Variants in TAOK3 observed in about 807,000 individuals in gnomAD.
TAOK3 encodes the protein serine/threonine-protein kinase TAO3.
A neutral mutation model predicts 120.4 loss-of-function variants in TAOK3; 40 were observed. The ratio of observed to expected loss-of-function variants is 0.33; its 90% CI spans 0.26 to 0.43. TAOK3 has a LOEUF of 0.43. Among genes scored for constraint, TAOK3 ranks in the 20% least tolerant of loss-of-function variants. The pLI, the probability that TAOK3 is intolerant of heterozygous loss-of-function variation, is 1.00. For synonymous variants in TAOK3, 355 were observed against 387.5 expected (o/e 0.92, Z 0.99); for missense variants, 821 against 1,112.1 (o/e 0.74, Z 3.72).
At chr12:118,152,089 G>T in intron 20 of TAOK3, 138 bp downstream of exon 20, 1 of 761,646 alleles carries the variant, frequency 1.3e-6, no homozygotes, top group East Asian at 2.7e-5. Flanking sequence ...TACCTCACAA[G>T]GGTACCAGTA....
chr12:118,247,481 A>T (rs2040566974), intron 3 of TAOK3, among the ~76,000 whole-genome samples: 1 of 152,044 alleles, frequency 6.6e-6, no homozygotes, highest in African/African-American at 2.4e-5. Context: ...ATATACATAT[A>T]TATATATACA....
chr12:118,181,710 CA>C, intron 14 of TAOK3, 103 bp from the exon 15 acceptor site: 1 of 948,574 alleles, frequency 1.1e-6, no homozygotes. Flanking sequence ...CCATCACCTT[CA>C]CCATCAATTT....
intron 1 of TAOK3, among the ~76,000 whole-genome samples, chr12:118,307,578 TAA>T (rs965490679): frequency 2.0e-5 from 3 of 152,168 alleles, no homozygotes; most frequent in African/African-American, 7.2e-5. Flanking sequence ...TGTGTATGTA[TAA>T]GTGTTTTTGC....
At chr12:118,260,566 A>G (rs2041183306) in intron 2 of TAOK3, among the ~76,000 whole-genome samples, 1 of 152,228 alleles carries the variant, frequency 6.6e-6, no homozygotes, top group South Asian at 2.1e-4. Flanking sequence ...GGACATTAAA[A>G]CATTTAATAC....
chr12:118,245,004 T>G, intron 3 of TAOK3, 39 bp from the exon 4 acceptor site: 1 of 1,406,844 alleles, frequency 7.1e-7, no homozygotes, highest in Non-Finnish European at 9.9e-7. Context: ...AAAGAATTAG[T>G]GATGTTTCAG....
intron 6 of TAOK3, among the ~76,000 whole-genome samples, chr12:118,238,558 C>G (rs2040114337): frequency 6.6e-6 from 1 of 152,118 alleles, no homozygotes; most frequent in Non-Finnish European, 1.5e-5. Context: ...CTTTAATTAC[C>G]CCTTCAAACT....
chr12:118,269,129 TTCTTTCTTC>T (rs752676023), intron 1 of TAOK3, among the ~76,000 whole-genome samples: 2 of 151,866 alleles, frequency 1.3e-5, no homozygotes, highest in Non-Finnish European at 2.9e-5. Context: ...TTCTCTTTCT[TTCTTTCTTC>T]TCTTTCTTCT....
At position 118,322,272 on chromosome 12, in the gene TAOK3, G is replaced by A. The variant is rs537051692; in HGVS notation, c.-194+50376C>T. On this transcript the variant is annotated intron_variant, in intron 1 of 20. Transcript: ENST00000392533. ...AGAGGTTGCAATGAGCTGAGATCGCGCCACTACACTCCAGCCTGGGCAGCA... is the reference window on the plus strand; with the variant it reads ...AGAGGTTGCAATGAGCTGAGATCGCACCACTACACTCCAGCCTGGGCAGCA... Among the ~76,000 whole-genome samples, 4 of 135,192 alleles carry A rather than the reference G, an allele frequency of 3.0e-5. No individual in the cohort carries two copies. The East Asian group carries it at 6.3e-4, about 21-fold the overall frequency. The allele number at this position is 135,192 out of a possible 152,430, so 88.7% of individuals were successfully genotyped here. A position where few individuals can be genotyped will look rare whatever the true frequency, so the allele number is the denominator to read the frequency against.
chr12:118,356,456 C>T (rs545517719), intron 1 of TAOK3, among the ~76,000 whole-genome samples: 20 of 152,096 alleles, frequency 1.3e-4, no homozygotes, highest in African/African-American at 2.2e-4. Flanking sequence ...TACACCACCA[C>T]GCCCAGCTAA....
At chr12:118,330,032 T>A (rs1296697866) in intron 1 of TAOK3, among the ~76,000 whole-genome samples, 1 of 152,184 alleles carries the variant, frequency 6.6e-6, no homozygotes, top group African/African-American at 2.4e-5. Flanking sequence ...ATCTTCAATA[T>A]TTTGGAGGAA....
intron 14 of TAOK3, among the ~76,000 whole-genome samples, chr12:118,183,048 A>G (rs2036863461): frequency 1.3e-5 from 2 of 151,912 alleles, no homozygotes; most frequent in South Asian, 4.2e-4. Flanking sequence ...TAGAAAAAAA[A>G]TCTTAATTCC....
intron 1 of TAOK3, among the ~76,000 whole-genome samples, chr12:118,276,765 G>A (rs2140368518): frequency 6.6e-6 from 1 of 151,772 alleles, no homozygotes; most frequent in East Asian, 2.0e-4. Flanking sequence ...AGCACTTTAA[G>A]AGGCCAAGGC....
At chr12:118,297,434 G>A (rs1017166626) in intron 1 of TAOK3, among the ~76,000 whole-genome samples, 2 of 152,094 alleles carry the variant, frequency 1.3e-5, no homozygotes, top group Non-Finnish European at 2.9e-5. Context: ...TCATTTATCA[G>A]AGCTTCACAG....
chr12:118,193,641 G>A (rs1319671225), intron 13 of TAOK3, among the ~76,000 whole-genome samples: 4 of 149,990 alleles, frequency 2.7e-5, no homozygotes, highest in Non-Finnish European at 5.9e-5. Flanking sequence ...TAGAGCTGGG[G>A]TCTCACTATG....
At chr12:118,316,569 TTCTC>T (rs2043467675) in intron 1 of TAOK3, among the ~76,000 whole-genome samples, 1 of 152,012 alleles carries the variant, frequency 6.6e-6, no homozygotes, top group Admixed American at 6.6e-5. Flanking sequence ...CCTGGCTAGA[TTCTC>T]TCTCTTTTTT....
At chr12:118,316,056 C>T (rs2043446040) in intron 1 of TAOK3, among the ~76,000 whole-genome samples, 1 of 152,140 alleles carries the variant, frequency 6.6e-6, no homozygotes. Flanking sequence ...TGTAATGAGA[C>T]ATCATGCACA....
At chr12:118,221,665 T>C (rs2039239190) in intron 9 of TAOK3, among the ~76,000 whole-genome samples, 2 of 149,036 alleles carry the variant, frequency 1.3e-5, no homozygotes, top group Admixed American at 6.7e-5. Context: ...GACAGAGTCT[T>C]GCTCTGTCAT....
chr12:118,364,631 G>A (rs1276872193), intron 1 of TAOK3, among the ~76,000 whole-genome samples: 1 of 152,208 alleles, frequency 6.6e-6, no homozygotes, highest in Non-Finnish European at 1.5e-5. Flanking sequence ...TAAGAGGCCA[G>A]GCACAGTGGC....
intron 11 of TAOK3, among the ~76,000 whole-genome samples, chr12:118,203,779 G>T (rs1007828908): frequency 7.9e-5 from 12 of 151,316 alleles, no homozygotes; most frequent in African/African-American, 2.9e-4. Context: ...GTTGTAAAAA[G>T]AAGTAGCTTT....
Sources: allele counts gnomAD v4.1 joint callset (sites outside exome capture counted in the v4.1 genomes callset), GRCh38; gene constraint gnomAD v4.1.1; transcripts MANE v1.5; gene names NCBI Gene and HGNC (gene_info 2026-07-23, HGNC 2026-07-21).